The following LRRTM4 variants were observed in gnomAD, a reference collection of about 807,000 sequenced individuals.
LRRTM4 encodes leucine-rich repeat transmembrane neuronal protein 4.
LRRTM4 carries 25 observed loss-of-function variants against 47.6 expected under a neutral mutation model. The observed-to-expected ratio is 0.53, with a 90% CI of 0.38 to 0.73. The LOEUF (loss-of-function observed/expected upper bound fraction) is 0.73, where lower values mean the gene tolerates loss of function less well. Ranked by LOEUF, LRRTM4 falls within the 30% of genes least tolerant of loss-of-function variation. The probability of loss-of-function intolerance (pLI) is 0.00; values close to 1 mark genes in which losing one functional copy is unlikely to be tolerated. For missense variants in LRRTM4, 638 were observed against 713.4 expected, an observed-to-expected ratio of 0.89 and a Z score of 1.20; for synonymous variants, 311 against 269.5, an observed-to-expected ratio of 1.15 and a Z score of -1.51.
chr2:76,774,339 G>C (rs750713411), intron 3 of LRRTM4, among the ~76,000 whole-genome samples: 4 of 151,440 alleles, frequency 2.6e-5, no homozygotes, highest in Non-Finnish European at 4.4e-5. Context: ...TTACAGGCAC[G>C]TGCCACCACT....
intron 3 of LRRTM4, among the ~76,000 whole-genome samples, chr2:76,835,122 T>C (rs755930894): frequency 1.3e-5 from 2 of 152,128 alleles, no homozygotes; most frequent in South Asian, 4.1e-4. Context: ...ATCCTCAAAT[T>C]CAGAACTTGA....
intron 3 of LRRTM4, among the ~76,000 whole-genome samples, chr2:76,860,133 G>A (rs1240672558): frequency 6.6e-6 from 1 of 152,104 alleles, no homozygotes; most frequent in African/African-American, 2.4e-5. Context: ...AATAGTATAT[G>A]CCAAACATAC....
At chr2:77,204,059 C>G (rs1674054268) in intron 3 of LRRTM4, among the ~76,000 whole-genome samples, 1 of 152,060 alleles carries the variant, frequency 6.6e-6, no homozygotes, top group African/African-American at 2.4e-5. Flanking sequence ...GAGACCTGGG[C>G]ATTAAACTAT....
At position 77,238,162 on chromosome 2, in the gene LRRTM4, A is replaced by T. The variant is rs941086868; in HGVS notation, c.1551+280156T>A. On this transcript the variant is annotated intron_variant, in intron 3 of 3. Coordinates refer to ENST00000409884, the MANE Select transcript of LRRTM4 (RefSeq NM_001134745.3). ...TTTTAGCTGTTCTTGTCACAAGTAA[A>T]GCTATTATATCAGATGCTAGATATG... is the stretch of plus-strand genomic sequence containing the variant. Among the ~76,000 whole-genome samples the T allele has an allele frequency of 3.3e-5, 5 of 152,286 alleles. No individual in the cohort carries two copies. In the East Asian group the frequency reaches 9.6e-4, roughly 29 times the overall value.
chr2:76,782,790 G>A (rs550850648), intron 3 of LRRTM4, among the ~76,000 whole-genome samples: 6 of 152,224 alleles, frequency 3.9e-5, no homozygotes, highest in Admixed American at 1.3e-4. Flanking sequence ...TTAAACCTGT[G>A]TTGTTTAAGG....
At chr2:76,883,399 A>AT (rs1378960585) in intron 3 of LRRTM4, among the ~76,000 whole-genome samples, 1 of 152,180 alleles carries the variant, frequency 6.6e-6, no homozygotes. Flanking sequence ...GGGGGACCTG[A>AT]GTTCTACACT....
intron 3 of LRRTM4, among the ~76,000 whole-genome samples, chr2:77,016,337 G>T (rs937754677): frequency 2.7e-5 from 4 of 148,908 alleles, no homozygotes; most frequent in Non-Finnish European, 5.9e-5. Flanking sequence ...AGTGAGCCCA[G>T]ATCGCGCCAC....
chr2:77,305,909 C>T (rs1226981250), intron 3 of LRRTM4, among the ~76,000 whole-genome samples: 1 of 151,992 alleles, frequency 6.6e-6, no homozygotes, highest in Non-Finnish European at 1.5e-5. Flanking sequence ...ATTTTGAAGG[C>T]ATACATAAGC....
intron 3 of LRRTM4, among the ~76,000 whole-genome samples, chr2:76,993,593 A>T (rs75838084): frequency 0.017 from 2,520 of 152,118 alleles, 106 homozygotes; most frequent in East Asian, 0.14. Flanking sequence ...TATTATTAAA[A>T]ATACAAAAGC....
chr2:77,332,633 C>T (rs750630333), intron 3 of LRRTM4, among the ~76,000 whole-genome samples: 22 of 152,008 alleles, frequency 1.4e-4, no homozygotes, highest in Non-Finnish European at 2.6e-4. Flanking sequence ...AGATTATAGC[C>T]CCAAATATAT....
At chr2:77,466,978 G>A (rs76004592) in intron 3 of LRRTM4, among the ~76,000 whole-genome samples, 5,418 of 151,922 alleles carry the variant, frequency 0.036, 123 homozygotes, top group Non-Finnish European at 0.051. Context: ...GATTGCAAAC[G>A]TGAGCCACCG....
At chr2:76,824,961 A>C (rs927362432) in intron 3 of LRRTM4, among the ~76,000 whole-genome samples, 3 of 151,616 alleles carry the variant, frequency 2.0e-5, no homozygotes, top group Non-Finnish European at 4.4e-5. Context: ...AATTCTTCCA[A>C]TTGGGGTACT....
At chr2:77,054,352 T>C (rs1180503826) in intron 3 of LRRTM4, among the ~76,000 whole-genome samples, 3 of 152,194 alleles carry the variant, frequency 2.0e-5, no homozygotes, top group Non-Finnish European at 2.9e-5. Flanking sequence ...GTATGTCCAA[T>C]TGCTAACTTT....
Position 77,521,693 on chromosome 2 carries a change from T to TC in LRRTM4, c.-23dup, listed in dbSNP as rs780532819. 2.5e-6 allele frequency: 4 copies of TC among 1,611,558 alleles called. No individual in the cohort carries two copies. The highest frequency in any genetic ancestry group is 2.5e-6 in the Non-Finnish European group (3 of 1,178,912). Reference sequence around the variant, plus strand: ...CCATCCTTTGTCATCCAAAAACGTTTCCCCCCTCTCTCAGCTTTCTTCTTA... The same window carrying TC: ...CCATCCTTTGTCATCCAAAAACGTTTCCCCCCCTCTCTCAGCTTTCTTCTTA... On this transcript the variant is annotated 5_prime_UTR_variant, in exon 2 of 4. The change abolishes the stop of an existing upstream ORF in the 5' untranslated region. Transcript: ENST00000409884.
intron 3 of LRRTM4, among the ~76,000 whole-genome samples, chr2:77,382,185 A>G (rs777002540): frequency 6.6e-6 from 1 of 152,102 alleles, no homozygotes; most frequent in Non-Finnish European, 1.5e-5. Flanking sequence ...ATACATAAAA[A>G]TATGGCAGAT....
At chr2:76,752,586 T>C (rs540914737) in intron 3 of LRRTM4, among the ~76,000 whole-genome samples, 16 of 152,284 alleles carry the variant, frequency 1.1e-4, no homozygotes, top group Admixed American at 8.5e-4. Flanking sequence ...GCCAAGTGCA[T>C]TGGCAAGCTT....
intron 3 of LRRTM4, among the ~76,000 whole-genome samples, chr2:77,435,172 C>T (rs1299440686): frequency 6.6e-6 from 1 of 151,742 alleles, no homozygotes; most frequent in East Asian, 1.9e-4. Context: ...CAAAAGAGCC[C>T]CTGGTTGAGA....
At position 77,207,347 on chromosome 2, in the gene LRRTM4, G is replaced by GTATA. The variant is rs200933978; in HGVS notation, c.1551+310970_1551+310971insTATA. Among the ~76,000 whole-genome samples, 9 of 83,412 alleles carry GTATA rather than the reference G, an allele frequency of 1.1e-4. 1 individual carries two copies. Among genetic ancestry groups the GTATA allele is most frequent in the African/African-American group, 3.9e-4 (9 of 23,204 alleles). The allele number at this position is 83,412 out of a possible 152,430, so 54.7% of individuals were successfully genotyped here. A position where few individuals can be genotyped will look rare whatever the true frequency, so the allele number is the denominator to read the frequency against. On this transcript the variant is annotated intron_variant, in intron 3 of 3. Transcript: ENST00000409884. Reference sequence around the variant, plus strand: ...TTATGTTTTTCCTAATTTCATATATGTGTATATATATATATATATATATAT... The same window carrying GTATA: ...TTATGTTTTTCCTAATTTCATATATGTATATGTATATATATATATATATATATAT...
At chr2:77,128,261 T>C (rs1375897193) in intron 3 of LRRTM4, among the ~76,000 whole-genome samples, 1 of 152,146 alleles carries the variant, frequency 6.6e-6, no homozygotes. Flanking sequence ...AAATGGAAAT[T>C]AGAAAGTTCA....
Sources: allele counts gnomAD v4.1 joint callset (sites outside exome capture counted in the v4.1 genomes callset), GRCh38; gene constraint gnomAD v4.1.1; transcripts MANE v1.5; gene names NCBI Gene and HGNC (gene_info 2026-07-23, HGNC 2026-07-21).